SSBP2: variants seen among roughly 807,000 people sequenced by gnomAD.
SSBP2 encodes the protein single-stranded DNA-binding protein 2.
A neutral mutation model predicts 61.8 loss-of-function variants in SSBP2; 17 were observed. The observed-to-expected ratio is 0.28, with a 90% CI of 0.19 to 0.41. The LOEUF (loss-of-function observed/expected upper bound fraction) is 0.41, where lower values mean the gene tolerates loss of function less well. SSBP2 is among the 10% of genes least tolerant of loss of function. The pLI, the probability that SSBP2 is intolerant of heterozygous loss-of-function variation, is 1.00. For synonymous variants in SSBP2, 139 were observed against 141.3 expected (o/e 0.98, Z 0.12); for missense variants, 310 against 458.7 (o/e 0.68, Z 2.96).
At chr5:81,522,033 T>C (rs1202099715) in intron 4 of SSBP2, among the ~76,000 whole-genome samples, 2 of 152,044 alleles carry the variant, frequency 1.3e-5, no homozygotes, top group Admixed American at 1.3e-4. Context: ...TGACCCTTCT[T>C]TTCCGAAACT....
intron 4 of SSBP2, among the ~76,000 whole-genome samples, chr5:81,572,718 C>T (rs1183148642): frequency 6.6e-6 from 1 of 152,164 alleles, no homozygotes; most frequent in African/African-American, 2.4e-5. Context: ...GACTTCAGTA[C>T]TCTTCCTCTT....
At chr5:81,554,137 A>C (rs1451860718) in intron 4 of SSBP2, among the ~76,000 whole-genome samples, 2 of 152,146 alleles carry the variant, frequency 1.3e-5, no homozygotes, top group East Asian at 3.8e-4. Flanking sequence ...TGAATAATAA[A>C]AATTAGATAT....
chr5:81,622,993 G>T (rs1164029297), intron 3 of SSBP2, among the ~76,000 whole-genome samples: 1 of 152,098 alleles, frequency 6.6e-6, no homozygotes, highest in Non-Finnish European at 1.5e-5. Context: ...ATATTTTTAG[G>T]AGAGTGAAAG....
At chr5:81,576,050 A>T (rs1774186725) in intron 4 of SSBP2, among the ~76,000 whole-genome samples, 1 of 152,192 alleles carries the variant, frequency 6.6e-6, no homozygotes, top group Non-Finnish European at 1.5e-5. Flanking sequence ...AGAAGAGATA[A>T]CTGGGGTCCA....
intron 6 of SSBP2, among the ~76,000 whole-genome samples, chr5:81,487,307 A>G (rs1344719279): frequency 6.6e-6 from 1 of 152,234 alleles, no homozygotes; most frequent in Non-Finnish European, 1.5e-5. Flanking sequence ...CTTTGTGAGT[A>G]AAAATTGTAT....
Position 81,539,917 on chromosome 5 carries a change from G to A in SSBP2, c.283-26200C>T, listed in dbSNP as rs185721867. 3.0e-3 allele frequency among the ~76,000 whole-genome samples: 459 copies of A among 151,994 alleles called. 2 individuals are homozygous for A. Among genetic ancestry groups the A allele is most frequent in the African/African-American group, 0.011 (444 of 41,458 alleles). ...TTAGCCCCCCACCCCGACAGGCCCC[G>A]GTGTGTGATGTTCCCCTCCCTGTGT... On this transcript the variant is annotated intron_variant, in intron 4 of 16. Transcript: ENST00000320672.
At chr5:81,578,192 A>G (rs1455607627) in intron 4 of SSBP2, among the ~76,000 whole-genome samples, 2 of 152,074 alleles carry the variant, frequency 1.3e-5, no homozygotes, top group African/African-American at 4.8e-5. Flanking sequence ...GCAATTACAC[A>G]TGTGGATTAA....
chr5:81,561,279 A>G (rs1463026402), intron 4 of SSBP2, among the ~76,000 whole-genome samples: 1 of 152,172 alleles, frequency 6.6e-6, no homozygotes, highest in Admixed American at 6.5e-5. Flanking sequence ...AATTTTTGCT[A>G]ATGGTGTTTT....
At chr5:81,750,578 G>C (rs1364750882) in intron 1 of SSBP2, 4 of 165,032 alleles carry the variant, frequency 2.4e-5, no homozygotes, top group African/African-American at 5.0e-5. Flanking sequence ...CCCACTGCGC[G>C]CCTTCCTCCA....
chr5:81,462,651 AC>A (rs946832730), intron 9 of SSBP2, among the ~76,000 whole-genome samples: 14 of 152,222 alleles, frequency 9.2e-5, no homozygotes, highest in Non-Finnish European at 1.9e-4. Flanking sequence ...AAATGATTTT[AC>A]CTATAGGATT....
rs538506007 is a variant in SSBP2 at position 81,626,014 on chromosome 5, T to C, written c.198-10457A>G. 7.2e-5 allele frequency among the ~76,000 whole-genome samples: 11 copies of C among 152,322 alleles called. No homozygotes were observed. The South Asian group carries it at 1.4e-3, about 20-fold the overall frequency. On this transcript the variant is annotated intron_variant, in intron 3 of 16. Transcript: ENST00000320672. ...AAGTCATTTGTCTTTGTCCCAAAAA[T>C]ATATCAATGAATGTTAGTTACTGAC... is the stretch of plus-strand genomic sequence containing the variant.
At chr5:81,696,979 C>T (rs1753646656) in intron 1 of SSBP2, among the ~76,000 whole-genome samples, 1 of 152,158 alleles carries the variant, frequency 6.6e-6, no homozygotes, top group Non-Finnish European at 1.5e-5. Flanking sequence ...CAAGAATCCC[C>T]ATCCATGATG....
At chr5:81,552,516 T>C (rs1051377312) in intron 4 of SSBP2, among the ~76,000 whole-genome samples, 6 of 151,760 alleles carry the variant, frequency 4.0e-5, no homozygotes, top group African/African-American at 1.5e-4. Context: ...CACATGCCCA[T>C]AATCCCACCT....
chr5:81,732,538 C>T (rs928107992), intron 1 of SSBP2, among the ~76,000 whole-genome samples: 3 of 152,180 alleles, frequency 2.0e-5, no homozygotes, highest in African/African-American at 7.2e-5. Flanking sequence ...CATAATCTAC[C>T]AGAAGAAATG....
intron 4 of SSBP2, among the ~76,000 whole-genome samples, chr5:81,614,510 A>G (rs895227353): frequency 1.3e-5 from 2 of 151,930 alleles, no homozygotes; most frequent in Non-Finnish European, 2.9e-5. Context: ...AGGCTGAATT[A>G]TTTTCCTTGG....
At chr5:81,508,600 A>G (rs1020867999) in intron 5 of SSBP2, among the ~76,000 whole-genome samples, 1 of 152,194 alleles carries the variant, frequency 6.6e-6, no homozygotes, top group Admixed American at 6.5e-5. Context: ...TAAGTGTACC[A>G]AGTTATATCA....
At chr5:81,481,394 GGTGGATCACCTGA>G (rs1165544282) in intron 6 of SSBP2, among the ~76,000 whole-genome samples, 7 of 152,008 alleles carry the variant, frequency 4.6e-5, no homozygotes, top group Non-Finnish European at 1.0e-4. Flanking sequence ...GGCCGAGGGG[GGTGGATCACCTGA>G]GGTCAGGAGT....
chr5:81,732,133 A>T (rs1474217279), intron 1 of SSBP2, among the ~76,000 whole-genome samples: 5 of 152,140 alleles, frequency 3.3e-5, no homozygotes, highest in Non-Finnish European at 7.4e-5. Context: ...CCATAATTAC[A>T]TTTATTTCAG....
intron 4 of SSBP2, among the ~76,000 whole-genome samples, chr5:81,582,559 T>A (rs1473406872): frequency 6.6e-6 from 1 of 152,164 alleles, no homozygotes; most frequent in African/African-American, 2.4e-5. Flanking sequence ...TTGCTGAAAC[T>A]TGATAGTAAA....
Sources: allele counts gnomAD v4.1 joint callset (sites outside exome capture counted in the v4.1 genomes callset), GRCh38; gene constraint gnomAD v4.1.1; transcripts MANE v1.5; gene names NCBI Gene and HGNC (gene_info 2026-07-23, HGNC 2026-07-21).